AOAH: variants seen among roughly 807,000 people sequenced by gnomAD.
AOAH encodes the protein acyloxyacyl hydrolase, also known as acyloxyacyl hydrolase (neutrophil).
In AOAH, 64 loss-of-function variants were observed where a neutral mutation model predicts 92.2. The ratio of observed to expected loss-of-function variants is 0.69; its 90% confidence interval spans 0.57 to 0.86. The LOEUF (loss-of-function observed/expected upper bound fraction) is 0.86, where lower values mean the gene tolerates loss of function less well. Among genes scored for constraint, AOAH ranks in the 40% least tolerant of loss-of-function variants. The pLI, the probability that AOAH is intolerant of heterozygous loss-of-function variation, is 0.00. For synonymous variants in AOAH, 263 were observed against 254.5 expected (o/e 1.03, Z -0.32); for missense variants, 656 against 694.6 (o/e 0.94, Z 0.62).
chr7:36,535,248 A>T (rs1428551844), intron 16 of AOAH, among the ~76,000 whole-genome samples: 1 of 152,024 alleles, frequency 6.6e-6, no homozygotes, highest in Non-Finnish European at 1.5e-5. Context: ...TCCTCTGAAG[A>T]TCAAAGGTGT....
chr7:36,514,184 G>A (rs1235561768), intron 20 of AOAH, among the ~76,000 whole-genome samples: 1 of 152,112 alleles, frequency 6.6e-6, no homozygotes, highest in Non-Finnish European at 1.5e-5. Context: ...TCTCTCTGAA[G>A]AAGGTGGCGG....
chr7:36,534,769 GA>G (rs1462090163), intron 16 of AOAH, among the ~76,000 whole-genome samples: 1 of 152,212 alleles, frequency 6.6e-6, no homozygotes, highest in Non-Finnish European at 1.5e-5. Context: ...AGCTGATCAA[GA>G]AAGCCCAGGG....
Position 36,714,778 on chromosome 7 carries a change from C to T in AOAH, c.127+9244G>A, listed in dbSNP as rs951977742. 3.5e-4 allele frequency among the ~76,000 whole-genome samples: 53 copies of T among 152,300 alleles called. 1 individual carries two copies. The highest frequency in any genetic ancestry group is 1.1e-3 in the African/African-American group (45 of 41,548). On this transcript the variant is annotated intron_variant, in intron 1 of 20. Coordinates refer to ENST00000617537, the MANE Select transcript of AOAH (RefSeq NM_001637.4). The stretch of plus-strand genomic sequence containing the variant: ...AAAGGCCTTTGACAAAATTCAACAA[C>T]GCTTCATGCTAAAATCTCTCAATAA...
chr7:36,524,841 T>C (rs1784318162), intron 19 of AOAH, among the ~76,000 whole-genome samples: 1 of 152,118 alleles, frequency 6.6e-6, no homozygotes, highest in Admixed American at 6.5e-5. Flanking sequence ...ATCCTGATTT[T>C]AAACTTTTAG....
intron 6 of AOAH, among the ~76,000 whole-genome samples, chr7:36,629,207 T>C (rs1198478544): frequency 2.0e-5 from 3 of 152,202 alleles, no homozygotes; most frequent in Non-Finnish European, 2.9e-5. Context: ...AACACAGTGA[T>C]TTTTTAGAAA....
chr7:36,656,997 G>T (rs1013172513), intron 4 of AOAH, among the ~76,000 whole-genome samples: 1 of 151,776 alleles, frequency 6.6e-6, no homozygotes, highest in Non-Finnish European at 1.5e-5. Context: ...ATGATAAAAA[G>T]GTCTGCTATA....
chr7:36,660,876 A>G (rs966167769), intron 3 of AOAH, among the ~76,000 whole-genome samples: 1 of 152,224 alleles, frequency 6.6e-6, no homozygotes, highest in Non-Finnish European at 1.5e-5. Flanking sequence ...TATAAGTAAA[A>G]ACTCTACTTA....
intron 12 of AOAH, among the ~76,000 whole-genome samples, chr7:36,577,168 A>G (rs1019596100): frequency 7.9e-5 from 12 of 152,086 alleles, no homozygotes; most frequent in Non-Finnish European, 1.5e-4. Flanking sequence ...GTCTGTCCAG[A>G]ATGAGGATTG....
intron 4 of AOAH, among the ~76,000 whole-genome samples, chr7:36,639,939 G>T (rs180771398): frequency 6.6e-6 from 1 of 152,192 alleles, no homozygotes; most frequent in African/African-American, 2.4e-5. Context: ...AACCAAGCTC[G>T]GTTCTCTGGG....
At chr7:36,682,613 A>G (rs1309007147) in intron 2 of AOAH, among the ~76,000 whole-genome samples, 1 of 152,156 alleles carries the variant, frequency 6.6e-6, no homozygotes, top group Non-Finnish European at 1.5e-5. Flanking sequence ...ATGATATAAG[A>G]CATGAAAAAA....
In AOAH at chr7:36,614,704, C is replaced by G. The variant is rs1791732534; in HGVS notation, c.846+1676G>C. Among the ~76,000 whole-genome samples, 1 of 152,182 alleles carries G rather than the reference C, an allele frequency of 6.6e-6. No homozygotes were observed. The highest frequency in any genetic ancestry group is 2.4e-5 in the African/African-American group (1 of 41,430). On this transcript the variant is annotated intron_variant, in intron 11 of 20. Transcript: ENST00000617537. The surrounding 1 kb of genome is among the most constrained non-coding windows in gnomAD (Gnocchi z 4.2). ...GTCCTTTTGGGAATCTGGGCACAGG[C>G]AAGAGGAAGATTGGGGTTGGGCATG...
At chr7:36,540,240 A>G (rs1176058088) in intron 16 of AOAH, 79 bp downstream of exon 16, 18 of 1,331,838 alleles carry the variant, frequency 1.4e-5, no homozygotes, top group Middle Eastern at 2.1e-4. Context: ...GCACATTTCT[A>G]TATGGTTTGA....
intron 20 of AOAH, chr7:36,514,785 C>T: frequency 1.9e-6 from 1 of 539,082 alleles, no homozygotes; most frequent in South Asian, 2.1e-5. Flanking sequence ...AGCTCACAGT[C>T]CCCTTCCTAA....
rs56357618 is a variant in AOAH, at chr7:36,569,567, ATATCTATCTATCTATCTATC to A, written c.1021+6987_1021+7006del. On this transcript the variant is annotated intron_variant, in intron 13 of 20. Transcript: ENST00000617537. ...ATATATATAAAACTACCAGATTTAC[ATATCTATCTATCTATCTATC>A]TATCTATCTATCTATCTATCTATCT... Among the ~76,000 whole-genome samples the A allele has an allele frequency of 9.6e-4, 137 of 143,396 alleles. 1 individual carries two copies. The highest frequency in any genetic ancestry group is 4.1e-4 in the East Asian group (2 of 4,854). The allele number at this position is 143,396 out of a possible 152,430, so 94.1% of individuals were successfully genotyped here. A position where few individuals can be genotyped will look rare whatever the true frequency, so the allele number is the denominator to read the frequency against.
At chr7:36,703,925 A>G (rs906068655) in intron 1 of AOAH, among the ~76,000 whole-genome samples, 10 of 152,172 alleles carry the variant, frequency 6.6e-5, no homozygotes. Flanking sequence ...CACTCCCACC[A>G]ACAGTGTAAA....
At chr7:36,626,784 T>TTCTGTG (rs1792694851) in intron 6 of AOAH, among the ~76,000 whole-genome samples, 1 of 152,124 alleles carries the variant, frequency 6.6e-6, no homozygotes, top group African/African-American at 2.4e-5. Context: ...GTTTGTTTGT[T>TTCTGTG]TTTGTGTTTG....
At chr7:36,629,655 G>A (rs1318039788) in intron 6 of AOAH, among the ~76,000 whole-genome samples, 1 of 152,182 alleles carries the variant, frequency 6.6e-6, no homozygotes, top group East Asian at 1.9e-4. Context: ...CAGAAGATTG[G>A]CTAGGAAGAG....
At chr7:36,673,499 T>G (rs1796054736) in intron 3 of AOAH, among the ~76,000 whole-genome samples, 1 of 152,144 alleles carries the variant, frequency 6.6e-6, no homozygotes, top group Non-Finnish European at 1.5e-5. Flanking sequence ...ATCACACCAC[T>G]GCCCTCCAGC....
intron 2 of AOAH, among the ~76,000 whole-genome samples, chr7:36,686,197 A>G (rs1172294124): frequency 6.6e-6 from 1 of 152,194 alleles, no homozygotes; most frequent in Non-Finnish European, 1.5e-5. Flanking sequence ...AAGGTATTTT[A>G]TTGAGATCTA....
Sources: allele counts gnomAD v4.1 joint callset (sites outside exome capture counted in the v4.1 genomes callset), GRCh38; gene constraint gnomAD v4.1.1; non-coding constraint Gnocchi (gnomAD v3.1); transcripts MANE v1.5; gene names NCBI Gene and HGNC (gene_info 2026-07-23, HGNC 2026-07-21).